The following HYCC1 variants were observed in gnomAD, a reference collection of about 807,000 sequenced individuals.
The protein encoded by HYCC1 is hyccin PI4KA lipid kinase complex subunit 1, also known as hyccin.
the HYCC1 span, among the ~76,000 whole-genome samples, chr7:22,905,699 A>G: frequency 6.6e-6 from 1 of 152,136 alleles, no homozygotes; most frequent in Admixed American, 6.5e-5. Context: ...ATGCAGTTAT[A>G]TTTATACATG....
the HYCC1 span, among the ~76,000 whole-genome samples, chr7:22,986,201 G>A: frequency 3.9e-5 from 6 of 152,090 alleles, no homozygotes; most frequent in African/African-American, 1.4e-4. Context: ...AAATACCATG[G>A]ACCCAGGCTA....
the HYCC1 span, among the ~76,000 whole-genome samples, chr7:22,974,010 T>G: frequency 6.6e-6 from 1 of 152,172 alleles, no homozygotes; most frequent in Non-Finnish European, 1.5e-5. Context: ...TATACATATA[T>G]AGGCATTCCT....
At chr7:22,921,520 T>C in the HYCC1 span, among the ~76,000 whole-genome samples, 1 of 152,208 alleles carries the variant, frequency 6.6e-6, no homozygotes, top group African/African-American at 2.4e-5. Context: ...ATATTTGGTA[T>C]GTATAACAAC....
chr7:22,982,879 A>G, the HYCC1 span, among the ~76,000 whole-genome samples: 6 of 152,086 alleles, frequency 3.9e-5, no homozygotes, highest in African/African-American at 1.4e-4. Context: ...CTTACCCTCT[A>G]TTGTTAACTA....
chr7:22,975,620 T>C, the HYCC1 span, among the ~76,000 whole-genome samples: 1 of 152,200 alleles, frequency 6.6e-6, no homozygotes, highest in Non-Finnish European at 1.5e-5. Flanking sequence ...AGCTCTATCA[T>C]TTAGCTATAT....
chr7:22,957,260 C>T, the HYCC1 span, among the ~76,000 whole-genome samples: 1 of 149,126 alleles, frequency 6.7e-6, no homozygotes, highest in Non-Finnish European at 1.5e-5. Flanking sequence ...AGTACATTCA[C>T]ATGGCTTAAT....
At chr7:22,947,126 C>G in the HYCC1 span, 1 of 1,550,490 alleles carries the variant, frequency 6.4e-7, no homozygotes, top group Non-Finnish European at 8.7e-7. Flanking sequence ...GAGCATCAAT[C>G]TCTCCTAGTG....
At chr7:22,980,329 T>C in the HYCC1 span, among the ~76,000 whole-genome samples, 1 of 151,992 alleles carries the variant, frequency 6.6e-6, no homozygotes, top group East Asian at 1.9e-4. Flanking sequence ...TTTACAGTAT[T>C]ATTAAGAGAG....
At chr7:23,000,754 G>T in the HYCC1 span, among the ~76,000 whole-genome samples, 24 of 152,014 alleles carry the variant, frequency 1.6e-4, no homozygotes, top group South Asian at 2.1e-4. Context: ...TTCCACCTAG[G>T]GCCTGTCCTC....
At chr7:22,901,523 T>C in the HYCC1 span, among the ~76,000 whole-genome samples, 1 of 152,082 alleles carries the variant, frequency 6.6e-6, no homozygotes, top group African/African-American at 2.4e-5. Context: ...CCTAAGAACA[T>C]TTTTAGGGAC....
chr7:22,945,387 T>C, the HYCC1 span: 1 of 586,036 alleles, frequency 1.7e-6, no homozygotes, highest in South Asian at 2.1e-5. Flanking sequence ...GGGGAAAAAA[T>C]CTTAATCAAG....
chr7:22,936,837 A>G, the HYCC1 span: 5 of 152,228 alleles, frequency 3.3e-5, no homozygotes, highest in South Asian at 1.0e-3. Flanking sequence ...ATGCTGTGCA[A>G]TACTGCTTGT....
chr7:22,953,266 C>A, the HYCC1 span, among the ~76,000 whole-genome samples: 3 of 151,906 alleles, frequency 2.0e-5, no homozygotes, highest in Non-Finnish European at 4.4e-5. Context: ...TATTACAAAA[C>A]TACCTGTAAA....
chr7:22,956,022 T>A, the HYCC1 span, among the ~76,000 whole-genome samples: 2 of 151,760 alleles, frequency 1.3e-5, no homozygotes, highest in Non-Finnish European at 3.0e-5. Context: ...AAATTTTATC[T>A]CATTTTTCTT....
the HYCC1 span, among the ~76,000 whole-genome samples, chr7:22,962,756 C>T: frequency 7.6e-5 from 8 of 105,302 alleles, no homozygotes; most frequent in East Asian, 8.9e-4. Flanking sequence ...CATTTCCATG[C>T]CCCCCCACCC....
chr7:22,929,327 G>C, the HYCC1 span, among the ~76,000 whole-genome samples: 6 of 152,058 alleles, frequency 3.9e-5, no homozygotes, highest in South Asian at 2.1e-4. Flanking sequence ...CAACAAAAGT[G>C]AAAATTGACA....
At chr7:22,930,272 A>G in the HYCC1 span, among the ~76,000 whole-genome samples, 1 of 151,438 alleles carries the variant, frequency 6.6e-6, no homozygotes, top group Non-Finnish European at 1.5e-5. Flanking sequence ...CAGCACACCA[A>G]CATGGCACAT....
At chr7:22,946,989 A>C in the HYCC1 span, 1 of 1,549,366 alleles carries the variant, frequency 6.5e-7, no homozygotes, top group Non-Finnish European at 8.7e-7. Flanking sequence ...CTAAAACTGC[A>C]CTCTGCCAGG....
the HYCC1 span, among the ~76,000 whole-genome samples, chr7:22,925,411 G>A: frequency 9.2e-5 from 14 of 152,090 alleles, no homozygotes; most frequent in Non-Finnish European, 1.5e-4. Flanking sequence ...TCGAACCAAC[G>A]GCAAAGAAGT....
Sources: gnomAD v4.1 joint callset for allele counts (sites outside exome capture counted in the v4.1 genomes callset) on GRCh38, gnomAD v4.1.1 for gene constraint, MANE v1.5 for transcripts, NCBI Gene and HGNC (gene_info 2026-07-23, HGNC 2026-07-21) for gene names.